Variants in DYRK1A observed in about 807,000 individuals in gnomAD.
DYRK1A encodes dual specificity tyrosine-phosphorylation-regulated kinase 1A.
A neutral mutation model predicts 79.7 loss-of-function variants in DYRK1A; 9 were observed. The observed-to-expected ratio is 0.11, with a 90% CI of 0.07 to 0.20. DYRK1A has a LOEUF of 0.20. Ranked by LOEUF, DYRK1A falls within the 10% of genes least tolerant of loss-of-function variation. DYRK1A has a pLI of 1.00. For missense variants in DYRK1A, 622 were observed against 956.0 expected (o/e 0.65, Z 4.61); for synonymous variants, 349 against 329.7 (o/e 1.06, Z -0.63).
rs191564930 is a variant in DYRK1A, at chr21:37,523,437, G to A, written c.*10906G>A. The stretch of plus-strand genomic sequence containing the variant: ...TCCAGGACCCTGAACAAAGGTGGAA[G>A]TAGGGTTGTAAATGGAAGAAAAAAT... On this transcript the variant is annotated 3_prime_UTR_variant, in exon 12 of 12. Coordinates refer to ENST00000647188, the MANE Select transcript of DYRK1A (RefSeq NM_001347721.2). The A allele has an allele frequency of 3.3e-5, 5 of 152,322 alleles. No homozygotes were observed. Among genetic ancestry groups the A allele is most frequent in the Admixed American group, 3.3e-4 (5 of 15,296 alleles). The allele number at this position is 152,322 out of a possible 1,614,324, so 9.4% of individuals were successfully genotyped here.
intron 2 of DYRK1A, among the ~76,000 whole-genome samples, chr21:37,443,854 G>A (rs1291127107): frequency 6.6e-6 from 1 of 152,148 alleles, no homozygotes; most frequent in African/African-American, 2.4e-5. Context: ...CAGTCATATT[G>A]CATTAGTGCC....
chr21:37,374,239 A>G (rs1417657261), intron 1 of DYRK1A, among the ~76,000 whole-genome samples: 1 of 151,710 alleles, frequency 6.6e-6, no homozygotes, highest in African/African-American at 2.4e-5. Context: ...CTCAGCAAAC[A>G]ATGCTACAAT....
At chr21:37,500,374 A>G (rs1385020289) in intron 9 of DYRK1A, among the ~76,000 whole-genome samples, 2 of 152,194 alleles carry the variant, frequency 1.3e-5, no homozygotes, top group Non-Finnish European at 1.5e-5. Context: ...TCAATTTGCT[A>G]ATCTCTTGGT....
At chr21:37,382,681 A>T (rs1180230773) in intron 1 of DYRK1A, among the ~76,000 whole-genome samples, 1 of 152,186 alleles carries the variant, frequency 6.6e-6, no homozygotes, top group Non-Finnish European at 1.5e-5. Flanking sequence ...TAACAGTAAC[A>T]ATAGCTACTA....
intron 2 of DYRK1A, among the ~76,000 whole-genome samples, chr21:37,426,168 G>T (rs748452549): frequency 6.6e-6 from 1 of 152,126 alleles, no homozygotes; most frequent in African/African-American, 2.4e-5. Context: ...AGTGGGAGAA[G>T]ATAAAAGCAC....
At chr21:37,474,746 A>T (rs2052341042) in intron 3 of DYRK1A, among the ~76,000 whole-genome samples, 1 of 152,232 alleles carries the variant, frequency 6.6e-6, no homozygotes, top group African/African-American at 2.4e-5. Flanking sequence ...ATCCTATCAG[A>T]TGTCTTTTAA....
rs569600164 is a variant in DYRK1A, at chr21:37,375,618, C to T, written c.-77+7990C>T. Among the ~76,000 whole-genome samples, 206 of 147,530 alleles carry T rather than the reference C, an allele frequency of 1.4e-3. 1 individual carries two copies. The highest frequency in any genetic ancestry group is 4.7e-3 in the African/African-American group (187 of 39,962). ...TCGGCTCACTGCAACCTCCGCCTTC[C>T]GGGTTCCAGCAATTCTCCTGCCTCA... On this transcript the variant is annotated intron_variant, in intron 1 of 11. Coordinates refer to ENST00000647188, the MANE Select transcript of DYRK1A (RefSeq NM_001347721.2).
At chr21:37,461,925 ACTTAT>A (rs1204545251) in intron 2 of DYRK1A, among the ~76,000 whole-genome samples, 1 of 127,446 alleles carries the variant, frequency 7.8e-6, no homozygotes, top group Non-Finnish European at 1.7e-5. Flanking sequence ...TTTTCCATTC[ACTTAT>A]CTTTTCTTCT....
intron 11 of DYRK1A, 86 bp downstream of exon 11, chr21:37,506,309 C>A (rs184784885): frequency 3.1e-6 from 5 of 1,610,844 alleles, no homozygotes; most frequent in Non-Finnish European, 4.2e-6. Context: ...TTAGAATGAC[C>A]GTATCATTTA....
intron 2 of DYRK1A, among the ~76,000 whole-genome samples, chr21:37,449,316 A>G (rs568151248): frequency 2.2e-4 from 34 of 152,338 alleles, no homozygotes; most frequent in African/African-American, 7.0e-4. Context: ...ATTTCTTGCC[A>G]TATAATAGTC....
chr21:37,454,232 A>G (rs995052034), intron 2 of DYRK1A, among the ~76,000 whole-genome samples: 3 of 151,604 alleles, frequency 2.0e-5, no homozygotes, highest in African/African-American at 4.8e-5. Flanking sequence ...AGCTGGGACT[A>G]TAGGCGTGCG....
At chr21:37,409,776 C>T (rs56218358) in intron 1 of DYRK1A, among the ~76,000 whole-genome samples, 11,467 of 152,066 alleles carry the variant, frequency 0.075, 644 homozygotes, top group Non-Finnish European at 0.11. Flanking sequence ...TGTATTTATT[C>T]TACTCTTCTA....
At chr21:37,382,737 A>G (rs2049682617) in intron 1 of DYRK1A, among the ~76,000 whole-genome samples, 1 of 152,232 alleles carries the variant, frequency 6.6e-6, no homozygotes, top group African/African-American at 2.4e-5. Context: ...TACTGAATGA[A>G]TAACTATTTA....
Position 37,486,499 on chromosome 21 carries a change from A to G in DYRK1A, c.522A>G (p.Glu174=), listed in dbSNP as rs554539619. ...VVKAYDRVEQ[E]WVAIKIIKNK... is the part of the protein sequence containing the mutation. ...AGGCATATGATCGTGTGGAGCAAGA[A>G]TGGGTTGCCATTAAAATAATAAAGA... Residue 174 remains glutamate (E), a synonymous_variant, in exon 6 of 12, where the codon GAA becomes GAG. Coordinates refer to ENST00000647188, the MANE Select transcript of DYRK1A (RefSeq NM_001347721.2). 8 of 1,587,338 alleles carry G rather than the reference A, an allele frequency of 5.0e-6. No homozygotes were observed. In the African/African-American group the frequency reaches 6.8e-5, roughly 13 times the overall value.
intron 1 of DYRK1A, among the ~76,000 whole-genome samples, chr21:37,390,566 C>T (rs1175473353): frequency 6.6e-6 from 1 of 152,008 alleles, no homozygotes; most frequent in African/African-American, 2.4e-5. Flanking sequence ...CACATTTTGT[C>T]GTTACTGTTT....
At position 37,491,702 on chromosome 21, in the gene DYRK1A, T is replaced by C. The variant is rs1293938352; in HGVS notation, c.924+1241T>C. ...AATCAAGAGATGCTCGTAGTTAATATGTGGTAGAGTATATTGTGAATGAAA... is the reference window on the plus strand; with the variant it reads ...AATCAAGAGATGCTCGTAGTTAATACGTGGTAGAGTATATTGTGAATGAAA... On this transcript the variant is annotated intron_variant, in intron 7 of 11. Coordinates refer to ENST00000647188, the MANE Select transcript of DYRK1A (RefSeq NM_001347721.2). Among the ~76,000 whole-genome samples the C allele has an allele frequency of 5.3e-5, 8 of 152,324 alleles. No homozygotes were observed. In the South Asian group the frequency reaches 1.2e-3, roughly 24 times the overall value.
intron 2 of DYRK1A, among the ~76,000 whole-genome samples, chr21:37,461,942 C>T (rs536572772): frequency 1.3e-5 from 2 of 149,590 alleles, no homozygotes; most frequent in Non-Finnish European, 3.0e-5. Context: ...TTTTCTTCTG[C>T]GGTGTCTGAA....
chr21:37,409,635 A>G (rs576732350), intron 1 of DYRK1A, among the ~76,000 whole-genome samples: 19 of 152,240 alleles, frequency 1.2e-4, no homozygotes, highest in East Asian at 3.9e-4. Flanking sequence ...TTTTTTCCTC[A>G]TAAAAGATGT....
Position 37,518,845 on chromosome 21 carries a change from T to G in DYRK1A, c.*6314T>G, listed in dbSNP as rs968203658. Reference sequence around the variant, plus strand: ...CCAGGCTGGTCTTGAACTCCCGACTTCAAGCTATCCACCTGCCTCGGCCTC... The same window carrying G: ...CCAGGCTGGTCTTGAACTCCCGACTGCAAGCTATCCACCTGCCTCGGCCTC... On this transcript the variant is annotated 3_prime_UTR_variant, in exon 12 of 12. Coordinates refer to ENST00000647188, the MANE Select transcript of DYRK1A (RefSeq NM_001347721.2). 6.6e-6 allele frequency: 1 copy of G among 152,102 alleles called. No homozygotes were observed. Among genetic ancestry groups the G allele is most frequent in the Non-Finnish European group, 1.5e-5 (1 of 68,058 alleles). The allele number at this position is 152,102 out of a possible 1,614,324, so 9.4% of individuals were successfully genotyped here. A position where few individuals can be genotyped will look rare whatever the true frequency, so the allele number is the denominator to read the frequency against.
Sources: gnomAD v4.1 joint callset for allele counts (sites outside exome capture counted in the v4.1 genomes callset) on GRCh38, gnomAD v4.1.1 for gene constraint, MANE v1.5 for transcripts, NCBI Gene and HGNC (gene_info 2026-07-23, HGNC 2026-07-21) for gene names.